SCAMP2: variants seen among roughly 807,000 people sequenced by gnomAD.
SCAMP2 encodes the protein secretory carrier-associated membrane protein 2.
A neutral mutation model predicts 44.1 loss-of-function variants in SCAMP2; 25 were observed. The ratio of observed to expected loss-of-function variants is 0.57; its 90% CI spans 0.41 to 0.79. SCAMP2 has a LOEUF of 0.79. SCAMP2 is among the 30% of genes least tolerant of loss of function. The pLI is 0.00. For synonymous variants in SCAMP2, 156 were observed against 166.0 expected, an observed-to-expected ratio of 0.94 and a Z score of 0.46; for missense variants, 355 against 411.0, an observed-to-expected ratio of 0.86 and a Z score of 1.18.
Position 74,843,897 on chromosome 15 carries a change from G to A in SCAMP2, c.*1186C>T, listed in dbSNP as rs1567245356. The A allele has an allele frequency of 6.6e-6, 1 of 150,892 alleles. No individual in the cohort carries two copies. The highest frequency in any genetic ancestry group is 1.5e-5 in the Non-Finnish European group (1 of 67,268). 9.3% of individuals were successfully genotyped at this position (150,892 alleles called of 1,614,324 possible). Reference sequence around the variant, plus strand: ...GGCTGTCTCGGGCCCAGAGCCGGAGGCTAGTTTTGTGGGAAGGCACCCCAG... The same window carrying A: ...GGCTGTCTCGGGCCCAGAGCCGGAGACTAGTTTTGTGGGAAGGCACCCCAG... On this transcript the variant is annotated 3_prime_UTR_variant, in exon 9 of 9. Coordinates refer to ENST00000268099, the MANE Select transcript of SCAMP2 (RefSeq NM_005697.5).
At chr15:74,846,653 T>TA (rs746562560) in intron 7 of SCAMP2, among the ~76,000 whole-genome samples, 5 of 152,000 alleles carry the variant, frequency 3.3e-5, no homozygotes, top group Admixed American at 6.6e-5. Flanking sequence ...TAGTCCCAGT[T>TA]ACTCGGGAGG....
intron 1 of SCAMP2, among the ~76,000 whole-genome samples, chr15:74,861,466 A>T (rs138503060): frequency 6.6e-6 from 1 of 152,278 alleles, no homozygotes; most frequent in East Asian, 1.9e-4. Context: ...TATTCATAGG[A>T]CCAGGACTTA....
chr15:74,850,732 T>C (rs2064430313), intron 5 of SCAMP2, 59 bp from the exon 6 acceptor site: 1 of 1,567,966 alleles, frequency 6.4e-7, no homozygotes, highest in Non-Finnish European at 8.7e-7. Context: ...GGGGCTCCAA[T>C]GTGGCAGCCA....
chr15:74,872,098 T>C (rs1360438977), intron 1 of SCAMP2, among the ~76,000 whole-genome samples: 1 of 150,350 alleles, frequency 6.7e-6, no homozygotes, highest in Non-Finnish European at 1.5e-5. Flanking sequence ...AGCAGGAAGA[T>C]TGTTTCTTCC....
At chr15:74,860,479 A>T (rs897931919) in intron 1 of SCAMP2, among the ~76,000 whole-genome samples, 5 of 151,800 alleles carry the variant, frequency 3.3e-5, no homozygotes, top group African/African-American at 1.2e-4. Context: ...ACCTGAGGTC[A>T]GGAGTTTGAG....
intron 1 of SCAMP2, among the ~76,000 whole-genome samples, chr15:74,861,508 C>T (rs1423729885): frequency 6.6e-6 from 1 of 152,188 alleles, no homozygotes; most frequent in Non-Finnish European, 1.5e-5. Flanking sequence ...AACAAACATC[C>T]AATGACAGAG....
intron 1 of SCAMP2, among the ~76,000 whole-genome samples, chr15:74,855,606 C>T (rs985578561): frequency 2.0e-5 from 3 of 151,390 alleles, no homozygotes; most frequent in African/African-American, 7.3e-5. Context: ...ATCCCAGCTA[C>T]TCCGGAGACT....
chr15:74,855,480 G>A (rs2064462856), intron 1 of SCAMP2, among the ~76,000 whole-genome samples: 1 of 152,072 alleles, frequency 6.6e-6, no homozygotes. Flanking sequence ...ACTTTGGGAG[G>A]CTGAGGCGGG....
intron 1 of SCAMP2, among the ~76,000 whole-genome samples, chr15:74,872,441 C>G (rs2064583323): frequency 6.6e-6 from 1 of 151,994 alleles, no homozygotes; most frequent in African/African-American, 2.4e-5. Context: ...CAGGCCAGCT[C>G]ACACGTCAGT....
At chr15:74,858,042 G>C (rs780105417) in intron 1 of SCAMP2, among the ~76,000 whole-genome samples, 1 of 152,192 alleles carries the variant, frequency 6.6e-6, no homozygotes, top group Non-Finnish European at 1.5e-5. Context: ...AACCTAAAAC[G>C]CTGAGACAAG....
At chr15:74,868,408 A>G (rs890702061) in intron 1 of SCAMP2, among the ~76,000 whole-genome samples, 11 of 152,388 alleles carry the variant, frequency 7.2e-5, no homozygotes, top group Middle Eastern at 3.4e-3. Context: ...TTCAAAGGAT[A>G]TAACGACTGA....
intron 1 of SCAMP2, 32 bp downstream of exon 1, chr15:74,873,167 C>G (rs2064589074): frequency 1.4e-6 from 2 of 1,423,658 alleles, no homozygotes; most frequent in Non-Finnish European, 1.8e-6. Context: ...CTAGGGAAAT[C>G]TGAGAGCTGG....
intron 1 of SCAMP2, among the ~76,000 whole-genome samples, chr15:74,868,708 A>T (rs947981985): frequency 1.3e-5 from 2 of 152,098 alleles, no homozygotes; most frequent in Non-Finnish European, 2.9e-5. Flanking sequence ...ACACCCAGCT[A>T]ATTTTTTGTA....
intron 2 of SCAMP2, 118 bp from the exon 3 acceptor site, chr15:74,854,237 C>G (rs745856909): frequency 1.1e-4 from 97 of 922,820 alleles, no homozygotes; most frequent in Non-Finnish European, 1.6e-4. Flanking sequence ...TCCCTCGGGG[C>G]CTGCACTGGG....
intron 3 of SCAMP2, chr15:74,852,932 A>G (rs560264729): frequency 6.4e-6 from 1 of 156,056 alleles, no homozygotes; most frequent in South Asian, 1.9e-4. Context: ...ACCTGCTGGC[A>G]GCTGCTGCCA....
intron 1 of SCAMP2, among the ~76,000 whole-genome samples, chr15:74,856,187 C>T (rs2064467568): frequency 6.6e-6 from 1 of 151,954 alleles, no homozygotes; most frequent in South Asian, 2.1e-4. Context: ...TCACCCCACA[C>T]CCCTAATTAT....
chr15:74,847,655 C>CG (rs1351031965), intron 7 of SCAMP2, among the ~76,000 whole-genome samples: 1 of 152,212 alleles, frequency 6.6e-6, no homozygotes, highest in Non-Finnish European at 1.5e-5. Flanking sequence ...AAAATAGCAC[C>CG]GCCCTTCCAG....
chr15:74,855,971 T>C (rs2064466295), intron 1 of SCAMP2, among the ~76,000 whole-genome samples: 1 of 152,070 alleles, frequency 6.6e-6, no homozygotes, highest in South Asian at 2.1e-4. Flanking sequence ...GCCATCCTCT[T>C]TACTGTGCCC....
intron 6 of SCAMP2, 99 bp from the exon 7 acceptor site, chr15:74,848,800 C>A: frequency 1.2e-6 from 1 of 805,530 alleles, no homozygotes; most frequent in Non-Finnish European, 2.0e-6. Flanking sequence ...AGCCAGGAGG[C>A]AGCATGGGCA....
Sources: allele counts gnomAD v4.1 joint callset (sites outside exome capture counted in the v4.1 genomes callset), GRCh38; gene constraint gnomAD v4.1.1; transcripts MANE v1.5; gene names NCBI Gene and HGNC (gene_info 2026-07-23, HGNC 2026-07-21).